The following CDH13 variants were observed in gnomAD, a reference collection of about 807,000 sequenced individuals.
CDH13 encodes cadherin 13.
In CDH13, 24 loss-of-function variants were observed where a neutral mutation model predicts 63.8. The observed-to-expected ratio is 0.38, with a 90% confidence interval of 0.27 to 0.53. CDH13 has a LOEUF of 0.53. Ranked by LOEUF, CDH13 falls within the 20% of genes least tolerant of loss-of-function variation. The pLI is 0.85. For synonymous variants in CDH13, 503 were observed against 355.3 expected (o/e 1.42, Z -4.67); for missense variants, 1,049 against 903.1 (o/e 1.16, Z -2.07).
chr16:82,789,946 C>A (rs755431503), intron 1 of CDH13, among the ~76,000 whole-genome samples: 1 of 152,112 alleles, frequency 6.6e-6, no homozygotes, highest in Non-Finnish European at 1.5e-5. Context: ...ACAATCCTGA[C>A]ATCTTTCTCA....
Position 83,232,549 on chromosome 16 carries a change from CAAACAAAAA to C in CDH13, c.636+15056_636+15064del, listed in dbSNP as rs2040032605. On this transcript the variant is annotated intron_variant, in intron 5 of 13. Coordinates refer to ENST00000567109, the MANE Select transcript of CDH13 (RefSeq NM_001257.5). ...AAAAAACGACAACAACAACAACAAACAAACAAAAAAAAAAAAAAGTGTGGCACCTCCCTT... is the reference window on the plus strand; with the variant it reads ...AAAAAACGACAACAACAACAACAAACAAAAAAAAAGTGTGGCACCTCCCTT... Among the ~76,000 whole-genome samples, 5 of 104,530 alleles carry C rather than the reference CAAACAAAAA, an allele frequency of 4.8e-5. 1 individual carries two copies. Among genetic ancestry groups the C allele is most frequent in the African/African-American group, 1.3e-4 (4 of 31,098 alleles). The allele number at this position is 104,530 out of a possible 152,430, so 68.6% of individuals were successfully genotyped here. A position where few individuals can be genotyped will look rare whatever the true frequency, so the allele number is the denominator to read the frequency against.
intron 6 of CDH13, among the ~76,000 whole-genome samples, chr16:83,458,105 G>C (rs924341974): frequency 6.6e-6 from 1 of 152,120 alleles, no homozygotes; most frequent in Middle Eastern, 3.2e-3. Flanking sequence ...TCCTAACAGA[G>C]AGCTTCCAAG....
intron 1 of CDH13, among the ~76,000 whole-genome samples, chr16:82,635,556 A>T (rs992082213): frequency 1.3e-5 from 2 of 152,194 alleles, no homozygotes; most frequent in African/African-American, 4.8e-5. Flanking sequence ...TACTGAGGGA[A>T]AGGTACAGAG....
intron 3 of CDH13, among the ~76,000 whole-genome samples, chr16:83,086,789 C>T (rs183934436): frequency 7.9e-5 from 12 of 152,132 alleles, no homozygotes; most frequent in Admixed American, 7.2e-4. Flanking sequence ...AAAAACTGGG[C>T]ACAGTAAAAT....
At chr16:83,671,643 C>T (rs951845466) in intron 9 of CDH13, among the ~76,000 whole-genome samples, 6 of 152,188 alleles carry the variant, frequency 3.9e-5, no homozygotes, top group African/African-American at 1.4e-4. Context: ...TTTTAGAGAT[C>T]TGTGCTCAAA....
At chr16:83,666,095 C>G (rs1555510729) in intron 8 of CDH13, among the ~76,000 whole-genome samples, 2 of 152,170 alleles carry the variant, frequency 1.3e-5, no homozygotes, top group African/African-American at 2.4e-5. Context: ...AGAAAAGTAA[C>G]TTTATCTATT....
intron 8 of CDH13, among the ~76,000 whole-genome samples, chr16:83,658,810 ATCCTCACCAGCAAGGTCCCATG>A (rs1913148119): frequency 8.4e-6 from 1 of 119,680 alleles, no homozygotes; most frequent in Non-Finnish European, 1.7e-5. Context: ...CAGGTCCCAT[ATCCTCACCAGCAAGGTCCCATG>A]TCCTCACCAC....
At chr16:83,352,611 C>T (rs2090976246) in intron 6 of CDH13, among the ~76,000 whole-genome samples, 1 of 152,214 alleles carries the variant, frequency 6.6e-6, no homozygotes, top group South Asian at 2.1e-4. Context: ...ATAAAATCAG[C>T]CGGGTGCGGT....
At position 83,036,143 on chromosome 16, in the gene CDH13, C is replaced by CT. The variant is rs34375178; in HGVS notation, c.366+3948dup. ...ATGGCTCTGGCTCTGGAGCTCTCCT[C>CT]TTTTTTTTTTTTTTTTTTTTTTTGA... On this transcript the variant is annotated intron_variant, in intron 3 of 13. Coordinates refer to ENST00000567109, the MANE Select transcript of CDH13 (RefSeq NM_001257.5). Among the ~76,000 whole-genome samples the CT allele has an allele frequency of 9.3e-3, 846 of 90,708 alleles. 10 individuals are homozygous for CT. Among genetic ancestry groups the CT allele is most frequent in the South Asian group, 0.057 (130 of 2,276 alleles). 59.5% of individuals were successfully genotyped at this position (90,708 alleles called of 152,430 possible). A position where few individuals can be genotyped will look rare whatever the true frequency, so the allele number is the denominator to read the frequency against.
At chr16:82,900,833 A>G (rs562797911) in intron 2 of CDH13, among the ~76,000 whole-genome samples, 2 of 152,334 alleles carry the variant, frequency 1.3e-5, no homozygotes, top group East Asian at 3.9e-4. Context: ...ATGCCAAGAA[A>G]TTCTATGGCA....
chr16:83,060,103 G>A lies in CDH13; in HGVS notation c.366+27885G>A, dbSNP rs920448487. 4.6e-5 allele frequency among the ~76,000 whole-genome samples: 7 copies of A among 151,990 alleles called. No homozygotes were observed. In the South Asian group the frequency reaches 6.2e-4, roughly 14 times the overall value. ...GCCACCGCACCCGGCCTACTTTTAC[G>A]TCTCATAACCCAAAAGCTCTATGGC... On this transcript the variant is annotated intron_variant, in intron 3 of 13. Coordinates refer to ENST00000567109, the MANE Select transcript of CDH13 (RefSeq NM_001257.5).
chr16:83,006,183 C>G (rs1039448180), intron 2 of CDH13, among the ~76,000 whole-genome samples: 1 of 152,142 alleles, frequency 6.6e-6, no homozygotes, highest in Non-Finnish European at 1.5e-5. Flanking sequence ...TTTCAAGTCT[C>G]AATCACATCA....
chr16:83,081,816 T>TC (rs2033275334), intron 3 of CDH13, among the ~76,000 whole-genome samples: 1 of 152,130 alleles, frequency 6.6e-6, no homozygotes, highest in African/African-American at 2.4e-5. Flanking sequence ...CTTTTTTTTT[T>TC]TGAGACAGAG....
intron 7 of CDH13, among the ~76,000 whole-genome samples, chr16:83,569,884 A>C (rs1050880288): frequency 1.3e-5 from 2 of 152,042 alleles, no homozygotes; most frequent in Non-Finnish European, 2.9e-5. Flanking sequence ...CTACAGGTGC[A>C]CGCCACCATG....
At chr16:82,838,146 A>G (rs1194081612) in intron 1 of CDH13, among the ~76,000 whole-genome samples, 1 of 152,212 alleles carries the variant, frequency 6.6e-6, no homozygotes, top group Non-Finnish European at 1.5e-5. Context: ...TGAGTTCTCC[A>G]TGACCAAGTC....
intron 6 of CDH13, among the ~76,000 whole-genome samples, chr16:83,472,536 C>T (rs1270212073): frequency 6.6e-6 from 1 of 152,168 alleles, no homozygotes; most frequent in African/African-American, 2.4e-5. Context: ...GGGCGGGACT[C>T]ACAACCCCAG....
intron 7 of CDH13, among the ~76,000 whole-genome samples, chr16:83,540,891 A>C (rs1159046924): frequency 6.6e-6 from 1 of 152,136 alleles, no homozygotes; most frequent in Non-Finnish European, 1.5e-5. Flanking sequence ...CAGCCTCCCA[A>C]AGTGCTGGGA....
intron 1 of CDH13, among the ~76,000 whole-genome samples, chr16:82,856,781 C>G (rs2039720674): frequency 6.8e-6 from 1 of 146,410 alleles, no homozygotes; most frequent in Non-Finnish European, 1.5e-5. Flanking sequence ...GGAAATAAGT[C>G]AGGGAAGAGA....
chr16:83,254,810 C>G (rs1567542001), intron 5 of CDH13, among the ~76,000 whole-genome samples: 2 of 152,292 alleles, frequency 1.3e-5, no homozygotes, highest in Middle Eastern at 3.4e-3. Flanking sequence ...ATAAAGATAA[C>G]TGATTCCTGT....
Sources: allele counts gnomAD v4.1 joint callset (sites outside exome capture counted in the v4.1 genomes callset), GRCh38; gene constraint gnomAD v4.1.1; transcripts MANE v1.5; gene names NCBI Gene and HGNC (gene_info 2026-07-23, HGNC 2026-07-21).